NELL1: variants seen among roughly 807,000 people sequenced by gnomAD.
NELL1 encodes protein kinase C-binding protein NELL1.
In NELL1, 76 loss-of-function variants were observed where a neutral mutation model predicts 107.4. That is an observed-to-expected ratio of 0.71 (90% CI 0.59 to 0.86). The LOEUF (loss-of-function observed/expected upper bound fraction) is 0.86, where lower values mean the gene tolerates loss of function less well. Ranked by LOEUF, NELL1 falls within the 40% of genes least tolerant of loss-of-function variation. The pLI, the probability that NELL1 is intolerant of heterozygous loss-of-function variation, is 0.00. For synonymous variants in NELL1, 353 were observed against 341.2 expected, an observed-to-expected ratio of 1.03 and a Z score of -0.38; for missense variants, 1,024 against 1,005.5, an observed-to-expected ratio of 1.02 and a Z score of -0.25.
intron 13 of NELL1, among the ~76,000 whole-genome samples, chr11:21,171,929 A>G (rs1408730630): frequency 6.6e-6 from 1 of 151,892 alleles, no homozygotes; most frequent in Non-Finnish European, 1.5e-5. Context: ...TGTAATGAAA[A>G]TAAAGTATTC....
At chr11:20,733,654 G>A (rs538186800) in intron 2 of NELL1, among the ~76,000 whole-genome samples, 8 of 152,168 alleles carry the variant, frequency 5.3e-5, no homozygotes, top group Non-Finnish European at 1.2e-4. Context: ...TGAGGCTACA[G>A]CAATGACCAA....
chr11:21,538,912 A>G (rs1186369315), intron 16 of NELL1, among the ~76,000 whole-genome samples: 1 of 152,106 alleles, frequency 6.6e-6, no homozygotes, highest in Non-Finnish European at 1.5e-5. Context: ...CTTTGCATGG[A>G]TACTGGAGAC....
At chr11:21,161,129 C>T (rs1333026134) in intron 13 of NELL1, among the ~76,000 whole-genome samples, 4 of 151,946 alleles carry the variant, frequency 2.6e-5, no homozygotes, top group East Asian at 1.9e-4. Context: ...CCACGAAGAG[C>T]TCATCTCAAA....
intron 15 of NELL1, among the ~76,000 whole-genome samples, chr11:21,432,693 G>A (rs1852996534): frequency 1.3e-5 from 2 of 152,024 alleles, no homozygotes; most frequent in African/African-American, 4.8e-5. Flanking sequence ...AATTTTATGA[G>A]GAAGGGATAA....
At chr11:20,798,067 A>G (rs543787343) in intron 3 of NELL1, among the ~76,000 whole-genome samples, 3 of 152,312 alleles carry the variant, frequency 2.0e-5, no homozygotes, top group East Asian at 1.9e-4. Context: ...TGCCTAGCAC[A>G]GTGTAGACAT....
At chr11:21,445,726 G>C (rs944647576) in intron 15 of NELL1, among the ~76,000 whole-genome samples, 4 of 152,150 alleles carry the variant, frequency 2.6e-5, no homozygotes, top group Non-Finnish European at 5.9e-5. Flanking sequence ...ATTTCTTGTA[G>C]GACAGGTCTG....
chr11:21,079,468 A>G (rs1329576384), intron 12 of NELL1, among the ~76,000 whole-genome samples: 1 of 152,108 alleles, frequency 6.6e-6, no homozygotes, highest in African/African-American at 2.4e-5. Flanking sequence ...AATATTACCA[A>G]CAATGATAGT....
intron 3 of NELL1, among the ~76,000 whole-genome samples, chr11:20,812,512 A>T (rs1345536287): frequency 2.0e-5 from 3 of 152,216 alleles, no homozygotes; most frequent in Admixed American, 1.3e-4. Context: ...TCAGTTTTTT[A>T]AAAAATATTT....
At chr11:21,336,647 G>GTATATATATATATATA (rs1350044303) in intron 14 of NELL1, among the ~76,000 whole-genome samples, 2 of 70,668 alleles carry the variant, frequency 2.8e-5, no homozygotes, top group African/African-American at 8.3e-5. Context: ...CTTCATATGT[G>GTATATATATATATATA]TGTGTATATA....
chr11:21,261,508 G>A (rs1848531900), intron 14 of NELL1, among the ~76,000 whole-genome samples: 1 of 151,558 alleles, frequency 6.6e-6, no homozygotes, highest in African/African-American at 2.4e-5. Flanking sequence ...GCTAGGCACT[G>A]TTCAAATTGC....
intron 12 of NELL1, among the ~76,000 whole-genome samples, chr11:21,090,159 A>T (rs1305279852): frequency 2.0e-5 from 3 of 152,146 alleles, no homozygotes; most frequent in Non-Finnish European, 4.4e-5. Context: ...AAAGAAGAGG[A>T]ATGGTCAAAG....
intron 2 of NELL1, among the ~76,000 whole-genome samples, chr11:20,781,237 A>C (rs1856844056): frequency 1.3e-5 from 2 of 152,178 alleles, no homozygotes; most frequent in African/African-American, 4.8e-5. Context: ...GGAAAAATCA[A>C]GGGCAATTTC....
intron 15 of NELL1, among the ~76,000 whole-genome samples, chr11:21,506,233 T>C (rs2133938398): frequency 6.6e-6 from 1 of 152,332 alleles, no homozygotes; most frequent in African/African-American, 2.4e-5. Flanking sequence ...TCTGACATTG[T>C]CAAGAAACTT....
intron 3 of NELL1, among the ~76,000 whole-genome samples, chr11:20,786,375 G>A (rs970454461): frequency 3.3e-5 from 5 of 151,626 alleles, no homozygotes; most frequent in African/African-American, 7.3e-5. Flanking sequence ...AAAAAAAGGC[G>A]GGGGGAGAAG....
intron 11 of NELL1, among the ~76,000 whole-genome samples, chr11:20,959,009 A>T (rs1484012261): frequency 6.6e-6 from 1 of 152,160 alleles, no homozygotes; most frequent in Non-Finnish European, 1.5e-5. Context: ...ATGGCATTTT[A>T]CTCACTGGAA....
intron 3 of NELL1, among the ~76,000 whole-genome samples, chr11:20,836,718 A>G (rs1250059818): frequency 6.6e-6 from 1 of 152,058 alleles, no homozygotes; most frequent in Non-Finnish European, 1.5e-5. Flanking sequence ...GTATCATTCC[A>G]TTTATATGAC....
intron 14 of NELL1, among the ~76,000 whole-genome samples, chr11:21,241,632 T>C (rs1486264280): frequency 2.0e-5 from 3 of 152,122 alleles, no homozygotes; most frequent in Non-Finnish European, 2.9e-5. Flanking sequence ...TAGTGCTAAC[T>C]GTAGTCTTTC....
At chr11:20,807,210 G>T (rs1012661966) in intron 3 of NELL1, among the ~76,000 whole-genome samples, 3 of 152,092 alleles carry the variant, frequency 2.0e-5, no homozygotes, top group African/African-American at 7.2e-5. Flanking sequence ...GTATTTGAAG[G>T]GACTTGGGTG....
chr11:21,080,291 G>A (rs916023999), intron 12 of NELL1, among the ~76,000 whole-genome samples: 11 of 151,944 alleles, frequency 7.2e-5, no homozygotes, highest in African/African-American at 2.7e-4. Context: ...GCTACCTCTT[G>A]CTATCTCAGA....
Sources: gnomAD v4.1 joint callset for allele counts (sites outside exome capture counted in the v4.1 genomes callset) on GRCh38, gnomAD v4.1.1 for gene constraint, MANE v1.5 for transcripts, NCBI Gene and HGNC (gene_info 2026-07-23, HGNC 2026-07-21) for gene names.